The following SPHKAP variants were observed in gnomAD, a reference collection of about 807,000 sequenced individuals.
SPHKAP encodes the protein A-kinase anchor protein SPHKAP.
A neutral mutation model predicts 137.5 loss-of-function variants in SPHKAP; 67 were observed. The observed-to-expected ratio is 0.49, with a 90% CI of 0.40 to 0.60. SPHKAP has a LOEUF of 0.60. SPHKAP is among the 20% of genes least tolerant of loss of function. SPHKAP has a pLI of 0.00. For synonymous variants in SPHKAP, 813 were observed against 785.3 expected (o/e 1.04, Z -0.59); for missense variants, 2,097 against 2,069.3 (o/e 1.01, Z -0.26).
At chr2:227,988,054 G>A (rs1348052489) in intron 11 of SPHKAP, among the ~76,000 whole-genome samples, 2 of 152,120 alleles carry the variant, frequency 1.3e-5, no homozygotes, top group East Asian at 3.8e-4. Context: ...CATGGAAGAC[G>A]AGCTCTCTTT....
intron 3 of SPHKAP, among the ~76,000 whole-genome samples, chr2:228,093,859 CAAAAAAA>C (rs11336381): frequency 5.2e-5 from 4 of 77,112 alleles, no homozygotes; most frequent in African/African-American, 2.0e-4. Context: ...GACTCCGTTT[CAAAAAAA>C]AAAAAAAAAA....
chr2:228,056,006 C>A (rs1696427543), intron 3 of SPHKAP, among the ~76,000 whole-genome samples: 1 of 152,176 alleles, frequency 6.6e-6, no homozygotes, highest in Non-Finnish European at 1.5e-5. Flanking sequence ...ATCCTTGCTC[C>A]ATCTTCAATG....
At chr2:228,020,913 C>T (rs1694818309) in intron 6 of SPHKAP, among the ~76,000 whole-genome samples, 2 of 152,074 alleles carry the variant, frequency 1.3e-5, no homozygotes, top group African/African-American at 4.8e-5. Context: ...AGGGCTGCCA[C>T]CATTTTTCAG....
chr2:228,095,316 C>T (rs1697947922), intron 3 of SPHKAP, among the ~76,000 whole-genome samples: 1 of 152,066 alleles, frequency 6.6e-6, no homozygotes, highest in Non-Finnish European at 1.5e-5. Flanking sequence ...GGAGTGAGGG[C>T]AGTGAGCGAG....
intron 2 of SPHKAP, among the ~76,000 whole-genome samples, chr2:228,123,715 T>C (rs1378871843): frequency 6.6e-6 from 1 of 152,190 alleles, no homozygotes; most frequent in Non-Finnish European, 1.5e-5. Context: ...TTTGTTTCGC[T>C]GTGCAGAAGC....
At chr2:228,126,075 T>TCAA (rs1488842852) in intron 2 of SPHKAP, among the ~76,000 whole-genome samples, 1 of 151,954 alleles carries the variant, frequency 6.6e-6, no homozygotes, top group Non-Finnish European at 1.5e-5. Flanking sequence ...GTGATATGCC[T>TCAA]CAACAACAAC....
rs181414031 is a variant in SPHKAP, at chr2:228,087,699, G to A, written c.246+21133C>T. On this transcript the variant is annotated intron_variant, in intron 3 of 11. Transcript: ENST00000392056. ...AGAGCTCAACAGTAGATTTGAACTG[G>A]CAGAAGAAATAATCAGTGAACTTAA... 3.9e-5 allele frequency among the ~76,000 whole-genome samples: 6 copies of A among 152,176 alleles called. No individual in the cohort carries two copies. The East Asian group carries it at 9.7e-4, about 25-fold the overall frequency.
At position 228,019,875 on chromosome 2, in the gene SPHKAP, C is replaced by A. The variant is rs1297431219; in HGVS notation, c.979G>T (p.Ala327Ser). 1 of 1,614,242 alleles carries A rather than the reference C, an allele frequency of 6.2e-7. No individual in the cohort carries two copies. The part of the protein sequence containing the change: ...RQATHYYHSE[A>S]FKGQMEKSQA... ...GATTTTTCCATTTGACCTTTAAAAGCTTCTGAATGATAATAATGTGTGGCT... is the reference window on the plus strand; with the variant it reads ...GATTTTTCCATTTGACCTTTAAAAGATTCTGAATGATAATAATGTGTGGCT... The change falls in exon 7 of 12, where the codon GCT becomes TCT. Residue 327 changes from alanine to serine, a missense_variant. Coordinates refer to ENST00000392056, the MANE Select transcript of SPHKAP (RefSeq NM_001142644.2).
At chr2:228,140,642 T>C (rs1699576975) in intron 1 of SPHKAP, among the ~76,000 whole-genome samples, 1 of 152,152 alleles carries the variant, frequency 6.6e-6, no homozygotes, top group Non-Finnish European at 1.5e-5. Flanking sequence ...AAATCTCATG[T>C]TGAATTATAA....
At chr2:228,169,975 AT>A (rs949019362) in intron 1 of SPHKAP, 67 of 152,168 alleles carry the variant, frequency 4.4e-4, no homozygotes, top group African/African-American at 1.5e-3. Flanking sequence ...ATGAACATTC[AT>A]GATTCATGAG....
intron 3 of SPHKAP, among the ~76,000 whole-genome samples, chr2:228,081,732 T>C (rs1388831170): frequency 6.6e-6 from 1 of 151,986 alleles, no homozygotes; most frequent in Non-Finnish European, 1.5e-5. Context: ...ATGTGTAGAG[T>C]TTTAAAACGT....
At chr2:228,158,951 G>A (rs4973075) in intron 1 of SPHKAP, among the ~76,000 whole-genome samples, 94,319 of 152,026 alleles carry the variant, frequency 0.62, 29,771 homozygotes, top group African/African-American at 0.73. Context: ...CTTGCATTCC[G>A]TCCCCTTCTT....
intron 1 of SPHKAP, among the ~76,000 whole-genome samples, chr2:228,180,291 C>G (rs560537784): frequency 6.6e-6 from 1 of 152,218 alleles, no homozygotes; most frequent in African/African-American, 2.4e-5. Flanking sequence ...GCTGAGAAAG[C>G]GTTATTTCAT....
intron 3 of SPHKAP, among the ~76,000 whole-genome samples, chr2:228,033,105 C>T (rs1431395932): frequency 6.6e-6 from 1 of 152,016 alleles, no homozygotes; most frequent in African/African-American, 2.4e-5. Flanking sequence ...AGAGTCAAGA[C>T]CCATCAGTGT....
intron 3 of SPHKAP, among the ~76,000 whole-genome samples, chr2:228,062,668 T>C (rs1696692736): frequency 6.6e-6 from 1 of 152,208 alleles, no homozygotes; most frequent in Non-Finnish European, 1.5e-5. Context: ...TTTTTTTATT[T>C]TGTGAAAGTA....
At chr2:228,127,773 A>T (rs1164834559) in intron 2 of SPHKAP, among the ~76,000 whole-genome samples, 2 of 152,152 alleles carry the variant, frequency 1.3e-5, no homozygotes, top group African/African-American at 4.8e-5. Flanking sequence ...TCTCAGAGAT[A>T]TTGTGGATTC....
intron 3 of SPHKAP, among the ~76,000 whole-genome samples, chr2:228,032,424 C>G (rs549614743): frequency 6.6e-5 from 10 of 152,120 alleles, no homozygotes; most frequent in Admixed American, 6.6e-4. Context: ...CTGAAACTGA[C>G]GGGGAGAATG....
At chr2:228,127,842 G>T (rs1366733539) in intron 2 of SPHKAP, among the ~76,000 whole-genome samples, 1 of 152,044 alleles carries the variant, frequency 6.6e-6, no homozygotes, top group Non-Finnish European at 1.5e-5. Flanking sequence ...AAAATTTTTG[G>T]TTTCCCAATG....
Position 228,018,484 on chromosome 2 carries a change from G to A in SPHKAP, c.2370C>T (p.Gly790=). 1 of 1,614,150 alleles carries A rather than the reference G, an allele frequency of 6.2e-7. No homozygotes were observed. The highest frequency in any genetic ancestry group is 1.1e-5 in the South Asian group (1 of 91,080). The part of the protein sequence containing the change: ...TSLVINNLVD[G]MYSKQDKGGV... ...CACCCTTGTCTTGTTTTGAATACAT[G>A]CCATCCACAAGATTGTTGATGACAA... Residue 790 remains glycine, a synonymous_variant, in exon 7 of 12, where the codon GGC becomes GGT. Coordinates refer to ENST00000392056, the MANE Select transcript of SPHKAP (RefSeq NM_001142644.2).
Sources: allele counts gnomAD v4.1 joint callset (sites outside exome capture counted in the v4.1 genomes callset), GRCh38; gene constraint gnomAD v4.1.1; transcripts MANE v1.5; gene names NCBI Gene and HGNC (gene_info 2026-07-23, HGNC 2026-07-21).